Variants in DNER observed in about 807,000 individuals in gnomAD.
DNER encodes the protein delta and Notch-like epidermal growth factor-related receptor.
DNER carries 33 observed loss-of-function variants against 78.2 expected under a neutral mutation model. The observed-to-expected ratio is 0.42, with a 90% CI of 0.32 to 0.56. DNER has a LOEUF of 0.56. Among genes scored for constraint, DNER ranks in the 20% least tolerant of loss-of-function variants. The pLI, the probability that DNER is intolerant of heterozygous loss-of-function variation, is 0.11. For synonymous variants in DNER, 417 were observed against 384.8 expected, an observed-to-expected ratio of 1.08 and a Z score of -0.98; for missense variants, 918 against 975.3, an observed-to-expected ratio of 0.94 and a Z score of 0.78.
chr2:229,648,082 C>G (rs1698751799), intron 1 of DNER, among the ~76,000 whole-genome samples: 1 of 152,094 alleles, frequency 6.6e-6, no homozygotes, highest in African/African-American at 2.4e-5. Context: ...AATAAAGGAG[C>G]CAGCCACAGT....
intron 6 of DNER, among the ~76,000 whole-genome samples, chr2:229,495,307 T>C (rs1156247832): frequency 6.6e-6 from 1 of 152,256 alleles, no homozygotes; most frequent in East Asian, 1.9e-4. Context: ...GAGATATACA[T>C]AAAGAGATGT....
chr2:229,406,293 G>A (rs1429157810), intron 10 of DNER, among the ~76,000 whole-genome samples: 1 of 152,126 alleles, frequency 6.6e-6, no homozygotes, highest in East Asian at 1.9e-4. Flanking sequence ...TCTTCTGTGG[G>A]TACTTGATAT....
intron 6 of DNER, among the ~76,000 whole-genome samples, chr2:229,497,026 T>C (rs1423762248): frequency 2.0e-5 from 3 of 152,136 alleles, no homozygotes; most frequent in African/African-American, 7.2e-5. Flanking sequence ...CGTGGAGCAT[T>C]CTCCAGAACA....
intron 8 of DNER, among the ~76,000 whole-genome samples, chr2:229,437,635 A>G (rs374172646): frequency 1.3e-5 from 2 of 152,188 alleles, no homozygotes; most frequent in Admixed American, 6.5e-5. Flanking sequence ...AGAGTTTCCA[A>G]TCCTCCATGA....
intron 1 of DNER, among the ~76,000 whole-genome samples, chr2:229,618,435 G>A (rs79162240): frequency 0.032 from 4,835 of 152,248 alleles, 81 homozygotes; most frequent in African/African-American, 0.043. Flanking sequence ...TTTATACTAT[G>A]TGGCTCCAGA....
chr2:229,602,087 G>A (rs543426087), intron 1 of DNER, among the ~76,000 whole-genome samples: 6 of 150,224 alleles, frequency 4.0e-5, no homozygotes, highest in East Asian at 2.0e-4. Context: ...TTTTTGTTTC[G>A]CCTCTCATCA....
intron 10 of DNER, among the ~76,000 whole-genome samples, chr2:229,389,127 T>C (rs1038630642): frequency 2.0e-5 from 3 of 151,942 alleles, no homozygotes; most frequent in Non-Finnish European, 2.9e-5. Context: ...TTCTGAGAAA[T>C]GGTGGTCCAA....
At chr2:229,546,493 T>C (rs907302404) in intron 5 of DNER, among the ~76,000 whole-genome samples, 3 of 152,214 alleles carry the variant, frequency 2.0e-5, no homozygotes, top group Non-Finnish European at 2.9e-5. Context: ...CTCAGCACTG[T>C]GGGAGGCCAA....
At chr2:229,454,841 G>T (rs577914248) in intron 7 of DNER, among the ~76,000 whole-genome samples, 12 of 152,214 alleles carry the variant, frequency 7.9e-5, no homozygotes, top group African/African-American at 2.9e-4. Context: ...TATATACTGA[G>T]GAGAGAATAC....
At chr2:229,511,151 A>T (rs377706181) in intron 6 of DNER, among the ~76,000 whole-genome samples, 2 of 151,994 alleles carry the variant, frequency 1.3e-5, no homozygotes, top group South Asian at 2.1e-4. Context: ...GTACTTAATA[A>T]CCCCCATGCC....
chr2:229,633,721 AGAGCT>A (rs1401928383), intron 1 of DNER, among the ~76,000 whole-genome samples: 1 of 152,202 alleles, frequency 6.6e-6, no homozygotes, highest in Non-Finnish European at 1.5e-5. Context: ...CCTGTTCCCA[AGAGCT>A]GGGACATAGT....
chr2:229,358,389 C>A lies in DNER; in HGVS notation c.*151G>T. 1.5e-6 allele frequency: 1 copy of A among 650,636 alleles called. No individual in the cohort carries two copies. Among genetic ancestry groups the A allele is most frequent in the African/African-American group, 1.9e-5 (1 of 53,822 alleles). 40.3% of individuals were successfully genotyped at this position (650,636 alleles called of 1,614,324 possible). A position where few individuals can be genotyped will look rare whatever the true frequency, so the allele number is the denominator to read the frequency against. On this transcript the variant is annotated 3_prime_UTR_variant, in exon 13 of 13. Coordinates refer to ENST00000341772, the MANE Select transcript of DNER (RefSeq NM_139072.4). ...AATTTTGTTTTTAAAATATTTTTTC[C>A]AAACTAAAAGCTGCAGAAAATTAGT...
At chr2:229,654,157 C>T (rs1320759117) in intron 1 of DNER, among the ~76,000 whole-genome samples, 1 of 151,934 alleles carries the variant, frequency 6.6e-6, no homozygotes, top group Middle Eastern at 3.4e-3. Flanking sequence ...ATGTTCCCCA[C>T]CCTGTGTCCA....
At chr2:229,358,681 G>A in intron 12 of DNER, 30 bp from the exon 13 acceptor site, 1 of 1,568,614 alleles carries the variant, frequency 6.4e-7, no homozygotes, top group Non-Finnish European at 8.7e-7. Flanking sequence ...ACTCTGGTTA[G>A]ATAAATACTA....
chr2:229,557,656 G>A (rs931969785), intron 4 of DNER, among the ~76,000 whole-genome samples: 5 of 150,596 alleles, frequency 3.3e-5, no homozygotes, highest in African/African-American at 1.2e-4. Context: ...GAAAAAGAGA[G>A]AGTAAAAGAG....
intron 1 of DNER, among the ~76,000 whole-genome samples, chr2:229,669,784 A>T (rs1420064527): frequency 6.6e-6 from 1 of 152,248 alleles, no homozygotes; most frequent in African/African-American, 2.4e-5. Context: ...TTACTACAAC[A>T]CAAGAATATA....
chr2:229,526,013 T>A (rs1379024627), intron 5 of DNER, among the ~76,000 whole-genome samples: 2 of 152,204 alleles, frequency 1.3e-5, no homozygotes, highest in Non-Finnish European at 2.9e-5. Flanking sequence ...ATTTTAATAT[T>A]GAACAAAAGG....
chr2:229,649,547 C>T (rs909539933), intron 1 of DNER, among the ~76,000 whole-genome samples: 2 of 152,172 alleles, frequency 1.3e-5, no homozygotes, highest in African/African-American at 4.8e-5. Flanking sequence ...CACTGAACGC[C>T]AAGATGCGCA....
intron 11 of DNER, among the ~76,000 whole-genome samples, chr2:229,375,345 T>C (rs1692574019): frequency 6.6e-6 from 1 of 152,192 alleles, no homozygotes; most frequent in African/African-American, 2.4e-5. Context: ...AGAGACCTTG[T>C]TTTCTGGCCC....
Sources: gnomAD v4.1 joint callset for allele counts (sites outside exome capture counted in the v4.1 genomes callset) on GRCh38, gnomAD v4.1.1 for gene constraint, MANE v1.5 for transcripts, NCBI Gene and HGNC (gene_info 2026-07-23, HGNC 2026-07-21) for gene names.